The following SH3RF2 variants were observed in gnomAD, a reference collection of about 807,000 sequenced individuals.
The protein encoded by SH3RF2 is E3 ubiquitin-protein ligase SH3RF2.
A neutral mutation model predicts 59.0 loss-of-function variants in SH3RF2; 43 were observed. The ratio of observed to expected loss-of-function variants is 0.73; its 90% CI spans 0.57 to 0.94. The LOEUF (loss-of-function observed/expected upper bound fraction) is 0.94. Among genes scored for constraint, SH3RF2 ranks in the 40% least tolerant of loss-of-function variants. The pLI is 0.00. For synonymous variants in SH3RF2, 391 were observed against 391.5 expected, an observed-to-expected ratio of 1.00 and a Z score of 0.01; for missense variants, 930 against 940.1, an observed-to-expected ratio of 0.99 and a Z score of 0.14.
intron 5 of SH3RF2, among the ~76,000 whole-genome samples, chr5:146,016,693 C>G (rs1283972075): frequency 6.6e-6 from 1 of 152,122 alleles, no homozygotes; most frequent in Non-Finnish European, 1.5e-5. Flanking sequence ...ATGCTGTCAA[C>G]CAAGACCACA....
chr5:146,041,665 G>C (rs1345998183), intron 5 of SH3RF2, among the ~76,000 whole-genome samples: 1 of 152,186 alleles, frequency 6.6e-6, no homozygotes, highest in East Asian at 1.9e-4. Flanking sequence ...AGGCGCAGTG[G>C]CTCATGCTTG....
exon 10 of SH3RF2, chr5:146,079,066 G>C (rs1293308675): frequency 6.6e-6 from 1 of 151,934 alleles, no homozygotes; most frequent in Admixed American, 6.6e-5. Flanking sequence ...TGACCCCAGG[G>C]ATTTCTAATA....
chr5:145,941,150 C>T (rs768560759), intron 2 of SH3RF2, among the ~76,000 whole-genome samples: 10 of 152,140 alleles, frequency 6.6e-5, no homozygotes, highest in African/African-American at 2.4e-5. Context: ...TGAAAAAGTT[C>T]GTTTAACTTT....
At chr5:146,013,029 C>T (rs1366354005) in intron 4 of SH3RF2, among the ~76,000 whole-genome samples, 3 of 151,876 alleles carry the variant, frequency 2.0e-5, no homozygotes. Flanking sequence ...AGATATAGAA[C>T]AAGGAAGAAT....
At chr5:145,997,994 G>A (rs1459829946) in intron 2 of SH3RF2, 3 of 738,466 alleles carry the variant, frequency 4.1e-6, no homozygotes, top group African/African-American at 1.8e-5. Flanking sequence ...ATATAGACAA[G>A]TATAGCACTG....
chr5:145,959,681 A>ATATC (rs1307405029), intron 2 of SH3RF2, among the ~76,000 whole-genome samples: 1 of 151,530 alleles, frequency 6.6e-6, no homozygotes, highest in African/African-American at 2.4e-5. Flanking sequence ...ATATATATAT[A>ATATC]TCAGCAGAGG....
chr5:146,072,454 CA>C (rs764665611), intron 9 of SH3RF2, among the ~76,000 whole-genome samples: 5 of 152,144 alleles, frequency 3.3e-5, no homozygotes, highest in Non-Finnish European at 7.4e-5. Flanking sequence ...AGGCGGATCA[CA>C]AGGTCAGGAG....
At chr5:145,967,861 T>C (rs1758917832) in intron 2 of SH3RF2, among the ~76,000 whole-genome samples, 1 of 152,146 alleles carries the variant, frequency 6.6e-6, no homozygotes, top group African/African-American at 2.4e-5. Flanking sequence ...GGTTTCACCA[T>C]GTTGGCCAGG....
intron 2 of SH3RF2, chr5:145,997,405 T>C: frequency 7.8e-7 from 1 of 1,285,950 alleles, no homozygotes; most frequent in South Asian, 1.2e-5. Flanking sequence ...TTTGCTTCCA[T>C]CTACACTGCA....
At chr5:146,016,379 G>C (rs1294638754) in intron 5 of SH3RF2, among the ~76,000 whole-genome samples, 1 of 151,636 alleles carries the variant, frequency 6.6e-6, no homozygotes, top group African/African-American at 2.4e-5. Context: ...TGGATGGATG[G>C]ATGGATGGAT....
At chr5:146,038,734 T>C (rs929052520) in intron 5 of SH3RF2, among the ~76,000 whole-genome samples, 6 of 152,236 alleles carry the variant, frequency 3.9e-5, no homozygotes, top group Non-Finnish European at 7.3e-5. Flanking sequence ...AAGATGTTGC[T>C]TCTCCCCCAA....
At chr5:145,983,811 G>A (rs1759598886) in intron 2 of SH3RF2, among the ~76,000 whole-genome samples, 1 of 152,150 alleles carries the variant, frequency 6.6e-6, no homozygotes, top group Admixed American at 6.5e-5. Flanking sequence ...AGTCTCCAAG[G>A]CAAGTACCCA....
chr5:145,939,914 T>C (rs1232511774), intron 2 of SH3RF2, among the ~76,000 whole-genome samples: 1 of 152,186 alleles, frequency 6.6e-6, no homozygotes, highest in African/African-American at 2.4e-5. Context: ...AGTTCCCTTA[T>C]CAGCTTGGAA....
chr5:146,038,817 A>G (rs1447743252), intron 5 of SH3RF2, among the ~76,000 whole-genome samples: 4 of 152,226 alleles, frequency 2.6e-5, no homozygotes. Flanking sequence ...GGTGATTCTA[A>G]GATTCAAATG....
At chr5:146,079,181 C>A (rs958267650) in exon 10 of SH3RF2, 2 of 152,090 alleles carry the variant, frequency 1.3e-5, no homozygotes, top group Admixed American at 6.5e-5. Flanking sequence ...TACAAAGAGG[C>A]TATTTCAAGT....
Position 146,031,177 on chromosome 5 carries a change from A to G in SH3RF2, c.1060-16595A>G, listed in dbSNP as rs142678249. Among the ~76,000 whole-genome samples, 1,055 of 152,284 alleles carry G rather than the reference A, an allele frequency of 6.9e-3. 6 individuals are homozygous for G. The highest frequency in any genetic ancestry group is 0.012 in the Non-Finnish European group (792 of 68,022). On this transcript the variant is annotated intron_variant, in intron 5 of 9. Coordinates refer to ENST00000359120, the MANE Select transcript of SH3RF2 (RefSeq NM_152550.4). The stretch of plus-strand genomic sequence containing the variant: ...CCATCTGCACTTCCAAACAATTGAC[A>G]TATGCCCCCAGGTTGGAATTCTGTC...
intron 3 of SH3RF2, among the ~76,000 whole-genome samples, chr5:146,002,535 A>AG (rs1554114611): frequency 1.4e-5 from 2 of 143,254 alleles, no homozygotes; most frequent in African/African-American, 5.3e-5. Context: ...GAAGGAAGGA[A>AG]GGATAACCTA....
chr5:145,999,031 A>AT (rs1246611252), intron 2 of SH3RF2, among the ~76,000 whole-genome samples: 1 of 152,012 alleles, frequency 6.6e-6, no homozygotes, highest in Admixed American at 6.6e-5. Flanking sequence ...TTACTAAAAA[A>AT]AAAACCTTAA....
downstream of SH3RF2, among the ~76,000 whole-genome samples, chr5:146,064,778 AGGAAGGAAGGAAGGAAG>A (rs1763041052): frequency 9.5e-5 from 1 of 10,498 alleles, no homozygotes; most frequent in African/African-American, 2.6e-4. Flanking sequence ...AAGGAAGGAA[AGGAAGGAAGGAAGGAAG>A]GAAGGAAGGA....
Sources: allele counts gnomAD v4.1 joint callset (sites outside exome capture counted in the v4.1 genomes callset), GRCh38; gene constraint gnomAD v4.1.1; transcripts MANE v1.5; gene names NCBI Gene and HGNC (gene_info 2026-07-23, HGNC 2026-07-21).